SCFD2: variants seen among roughly 807,000 people sequenced by gnomAD.
SCFD2 encodes the protein sec1 family domain containing 2.
Under a neutral mutation model 58.9 loss-of-function variants are expected in SCFD2, and 54 were observed. That is an observed-to-expected ratio of 0.92 (90% CI 0.74 to 1.15). The LOEUF is 1.15. Ranked by LOEUF, SCFD2 falls within the 50% of genes most tolerant of loss-of-function variation. SCFD2 has a pLI of 0.00. For missense variants in SCFD2, 805 were observed against 836.6 expected (o/e 0.96, Z 0.47); for synonymous variants, 321 against 335.9 (o/e 0.96, Z 0.49).
chr4:53,175,191 C>T (rs1727292431), intron 4 of SCFD2, among the ~76,000 whole-genome samples: 1 of 152,120 alleles, frequency 6.6e-6, no homozygotes, highest in East Asian at 1.9e-4. Context: ...AATAACTTCT[C>T]TAAATTAAAA....
At chr4:52,880,728 T>C (rs1215378680) in intron 8 of SCFD2, among the ~76,000 whole-genome samples, 1 of 152,022 alleles carries the variant, frequency 6.6e-6, no homozygotes, top group Non-Finnish European at 1.5e-5. Flanking sequence ...ACGAAAGCAG[T>C]GGATGGGGGT....
Position 53,212,678 on chromosome 4 carries a change from G to C in SCFD2, c.1311+61148C>G, listed in dbSNP as rs150268738. Among the ~76,000 whole-genome samples, 274 of 151,172 alleles carry C rather than the reference G, an allele frequency of 1.8e-3. 2 individuals carry two copies. The highest frequency in any genetic ancestry group is 6.3e-3 in the African/African-American group (260 of 41,114). ...TAAACAAATGATTAATATTCATTAA[G>C]GTACAAGGAAAACTGTTCATATTAT... On this transcript the variant is annotated intron_variant, in intron 4 of 8. Coordinates refer to ENST00000401642, the MANE Select transcript of SCFD2 (RefSeq NM_152540.4).
chr4:52,998,428 A>G (rs1721792701), intron 5 of SCFD2, among the ~76,000 whole-genome samples: 1 of 152,236 alleles, frequency 6.6e-6, no homozygotes, highest in African/African-American at 2.4e-5. Context: ...ACCATGGCCA[A>G]CTGCATATTC....
At chr4:53,004,394 G>A (rs967558691) in intron 5 of SCFD2, among the ~76,000 whole-genome samples, 1 of 152,188 alleles carries the variant, frequency 6.6e-6, no homozygotes, top group Non-Finnish European at 1.5e-5. Flanking sequence ...AAGGTGATCT[G>A]GTGGCTGGCC....
intron 3 of SCFD2, among the ~76,000 whole-genome samples, chr4:53,278,018 ACTCTAGCC>A (rs1731383191): frequency 6.7e-6 from 1 of 149,324 alleles, no homozygotes; most frequent in Non-Finnish European, 1.5e-5. Flanking sequence ...CGGCCACTGC[ACTCTAGCC>A]CAGGGACAGA....
chr4:53,272,401 C>T (rs1469091292), intron 4 of SCFD2, among the ~76,000 whole-genome samples: 3 of 152,094 alleles, frequency 2.0e-5, no homozygotes, highest in East Asian at 1.9e-4. Context: ...CACATGCACA[C>T]GTATGTTTAT....
intron 4 of SCFD2, among the ~76,000 whole-genome samples, chr4:53,172,919 C>T (rs1401484257): frequency 6.6e-6 from 1 of 152,116 alleles, no homozygotes; most frequent in African/African-American, 2.4e-5. Flanking sequence ...GATAATCTGT[C>T]CCTTGAAAGT....
chr4:53,093,805 C>T (rs1724540499), intron 5 of SCFD2, among the ~76,000 whole-genome samples: 1 of 151,748 alleles, frequency 6.6e-6, no homozygotes, highest in Non-Finnish European at 1.5e-5. Flanking sequence ...TTTGCAGGAG[C>T]ACTCAAGAAA....
chr4:53,051,081 T>C (rs80229112), intron 5 of SCFD2, among the ~76,000 whole-genome samples: 1 of 152,308 alleles, frequency 6.6e-6, no homozygotes, highest in East Asian at 1.9e-4. Flanking sequence ...AATTGCAAGT[T>C]CCATGAGGGC....
intron 4 of SCFD2, among the ~76,000 whole-genome samples, chr4:53,209,386 T>G (rs564385017): frequency 6.6e-6 from 1 of 152,224 alleles, no homozygotes; most frequent in African/African-American, 2.4e-5. Flanking sequence ...AACTGGATGC[T>G]GAGGTTGGAA....
chr4:53,237,404 C>T (rs1729664755), intron 4 of SCFD2, among the ~76,000 whole-genome samples: 1 of 150,506 alleles, frequency 6.6e-6, no homozygotes, highest in Non-Finnish European at 1.5e-5. Flanking sequence ...CCTCACTTCC[C>T]AGTAGGGGGC....
chr4:52,990,096 T>G (rs1475139184), intron 5 of SCFD2, among the ~76,000 whole-genome samples: 1 of 152,234 alleles, frequency 6.6e-6, no homozygotes, highest in Non-Finnish European at 1.5e-5. Context: ...CAGCAGCAAA[T>G]GTAACATGCT....
intron 2 of SCFD2, among the ~76,000 whole-genome samples, chr4:53,328,703 T>A (rs1224286379): frequency 6.6e-6 from 1 of 152,192 alleles, no homozygotes; most frequent in African/African-American, 2.4e-5. Flanking sequence ...TTATCAGCCA[T>A]CACAGAAATA....
chr4:52,902,929 C>T lies in SCFD2; in HGVS notation c.1842+4528G>A, dbSNP rs139390129. On this transcript the variant is annotated intron_variant, in intron 7 of 8. Transcript: ENST00000401642. ...TGCTATTAGCATAGCTTATAGTAGA[C>T]GTCATGAGGAAGGAATGCATGAAAA... 4.4e-3 allele frequency among the ~76,000 whole-genome samples: 669 copies of T among 152,168 alleles called. 2 individuals are homozygous for T. The highest frequency in any genetic ancestry group is 0.015 in the African/African-American group (610 of 41,502).
chr4:52,978,121 G>A (rs1254138544), intron 5 of SCFD2, among the ~76,000 whole-genome samples: 1 of 152,162 alleles, frequency 6.6e-6, no homozygotes, highest in Non-Finnish European at 1.5e-5. Flanking sequence ...TGTGGAGAAG[G>A]TGAAGCATGG....
chr4:53,306,713 T>A (rs1732528014), intron 3 of SCFD2, among the ~76,000 whole-genome samples: 1 of 152,102 alleles, frequency 6.6e-6, no homozygotes, highest in Admixed American at 6.6e-5. Context: ...CTATATCACA[T>A]CATTGTAAGT....
At position 53,023,328 on chromosome 4, in the gene SCFD2, C is replaced by T. The variant is rs140055701; in HGVS notation, c.1562-102458G>A. Among the ~76,000 whole-genome samples the T allele has an allele frequency of 5.6e-4, 86 of 152,244 alleles. No individual in the cohort carries two copies. In the East Asian group the frequency reaches 0.016, roughly 28 times the overall value. ...CAATGAATTCTCTATTCCAAAACTG[C>T]ACTTTGGAAAACTTGGATATCAGTT... On this transcript the variant is annotated intron_variant, in intron 5 of 8. Coordinates refer to ENST00000401642, the MANE Select transcript of SCFD2 (RefSeq NM_152540.4).
chr4:52,972,279 GT>G (rs1268963626), intron 5 of SCFD2, among the ~76,000 whole-genome samples: 1 of 152,096 alleles, frequency 6.6e-6, no homozygotes, highest in Non-Finnish European at 1.5e-5. Flanking sequence ...CCCATCTCAT[GT>G]GCAGAGACAC....
intron 1 of SCFD2, among the ~76,000 whole-genome samples, chr4:53,353,415 G>A (rs756871584): frequency 6.6e-6 from 1 of 152,156 alleles, no homozygotes; most frequent in Non-Finnish European, 1.5e-5. Context: ...TTATTGCAGA[G>A]AGCAAATGAA....
Sources: allele counts gnomAD v4.1 joint callset (sites outside exome capture counted in the v4.1 genomes callset), GRCh38; gene constraint gnomAD v4.1.1; transcripts MANE v1.5; gene names NCBI Gene and HGNC (gene_info 2026-07-23, HGNC 2026-07-21).